The following NAALADL2 variants were observed in gnomAD, a reference collection of about 807,000 sequenced individuals.
NAALADL2 encodes the protein N-acetylated alpha-linked acidic dipeptidase like 2.
NAALADL2 carries 76 observed loss-of-function variants against 87.2 expected under a neutral mutation model. The ratio of observed to expected loss-of-function variants is 0.87; its 90% CI spans 0.72 to 1.05. NAALADL2 has a LOEUF of 1.05. NAALADL2 is among the 50% of genes least tolerant of loss of function. The pLI is 0.00. For synonymous variants in NAALADL2, 354 were observed against 331.0 expected, an observed-to-expected ratio of 1.07 and a Z score of -0.75; for missense variants, 1,089 against 945.8, an observed-to-expected ratio of 1.15 and a Z score of -1.99.
intron 11 of NAALADL2, among the ~76,000 whole-genome samples, chr3:175,703,896 T>A (rs998954733): frequency 2.6e-5 from 4 of 152,210 alleles, no homozygotes; most frequent in Non-Finnish European, 5.9e-5. Flanking sequence ...TCATATTGAC[T>A]ATTATGACAG....
chr3:175,668,256 C>A (rs1373090162), intron 11 of NAALADL2, among the ~76,000 whole-genome samples: 1 of 152,014 alleles, frequency 6.6e-6, no homozygotes, highest in Non-Finnish European at 1.5e-5. Context: ...CCATAATATC[C>A]CTTAATTTTA....
intron 5 of NAALADL2, among the ~76,000 whole-genome samples, chr3:175,346,706 G>A (rs1763192607): frequency 6.6e-6 from 1 of 152,108 alleles, no homozygotes; most frequent in Non-Finnish European, 1.5e-5. Flanking sequence ...CACACAATGT[G>A]AAACGACTTC....
intron 10 of NAALADL2, among the ~76,000 whole-genome samples, chr3:175,599,515 C>T (rs577999684): frequency 8.5e-5 from 13 of 152,246 alleles, no homozygotes; most frequent in African/African-American, 2.9e-4. Context: ...TTCTGCCCTA[C>T]CCTTCCTCAA....
chr3:174,802,343 A>T (rs1047282435), intron 3 of NAALADL2, among the ~76,000 whole-genome samples: 2 of 152,222 alleles, frequency 1.3e-5, no homozygotes, highest in Non-Finnish European at 2.9e-5. Flanking sequence ...TAAATAAAAA[A>T]TAAGATATAA....
At chr3:174,499,732 C>A (rs1588892) in intron 1 of NAALADL2, among the ~76,000 whole-genome samples, 107,259 of 151,754 alleles carry the variant, frequency 0.71, 38,087 homozygotes, top group East Asian at 0.9. Context: ...TCAGTTGTTC[C>A]TGTATATGTG....
At chr3:175,431,622 G>A (rs879450042) in intron 5 of NAALADL2, among the ~76,000 whole-genome samples, 1 of 151,926 alleles carries the variant, frequency 6.6e-6, no homozygotes, top group African/African-American at 2.4e-5. Context: ...CAGCCAATGG[G>A]ATTCACAGTA....
chr3:175,336,087 C>T (rs978972565), intron 5 of NAALADL2, among the ~76,000 whole-genome samples: 2 of 151,922 alleles, frequency 1.3e-5, no homozygotes, highest in Non-Finnish European at 2.9e-5. Context: ...TCGCTGCTTC[C>T]TTTTGGGTAC....
At chr3:174,564,571 A>G (rs901924974) in intron 2 of NAALADL2, among the ~76,000 whole-genome samples, 1 of 152,198 alleles carries the variant, frequency 6.6e-6, no homozygotes, top group African/African-American at 2.4e-5. Flanking sequence ...TTGTCTAAGT[A>G]ACCTAATAGT....
intron 1 of NAALADL2, among the ~76,000 whole-genome samples, chr3:174,862,024 C>T (rs1010754055): frequency 6.6e-6 from 1 of 151,792 alleles, no homozygotes; most frequent in Non-Finnish European, 1.5e-5. Flanking sequence ...ACAAGGTAAC[C>T]CCAGCGGAGA....
At chr3:174,613,870 G>C (rs963713039) in intron 2 of NAALADL2, among the ~76,000 whole-genome samples, 1 of 152,148 alleles carries the variant, frequency 6.6e-6, no homozygotes, top group African/African-American at 2.4e-5. Context: ...TGGTTATTCA[G>C]GGCTCAAGGG....
rs772447340 is a variant in NAALADL2 at position 174,794,981 on chromosome 3, CTTTTTTTTT to C, written c.-9+57254_-9+57262del. ...TTAAAAGTTGAAACTTCTAGTCCAGCTTTTTTTTTTTTTTTTTTTTTTTTTTTGAGACAG... is the reference window on the plus strand; with the variant it reads ...TTAAAAGTTGAAACTTCTAGTCCAGCTTTTTTTTTTTTTTTTTTGAGACAG... On this transcript the variant is annotated intron_variant, in intron 3 of 3. Transcript: ENST00000434257. Among the ~76,000 whole-genome samples the C allele has an allele frequency of 4.5e-3, 303 of 66,704 alleles. 3 individuals carry two copies. The highest frequency in any genetic ancestry group is 0.017 in the African/African-American group (281 of 16,900). The allele number at this position is 66,704 out of a possible 152,430, so 43.8% of individuals were successfully genotyped here.
chr3:175,337,242 A>AG (rs1329949952), intron 5 of NAALADL2, among the ~76,000 whole-genome samples: 1 of 150,910 alleles, frequency 6.6e-6, no homozygotes, highest in East Asian at 1.9e-4. Context: ...AGGTGGTATT[A>AG]GGTCTAGGTG....
intron 5 of NAALADL2, among the ~76,000 whole-genome samples, chr3:175,354,016 T>C (rs538058980): frequency 6.6e-6 from 1 of 152,234 alleles, no homozygotes; most frequent in African/African-American, 2.4e-5. Context: ...GCTATTTTTC[T>C]CTTATAAACT....
intron 5 of NAALADL2, among the ~76,000 whole-genome samples, chr3:175,343,519 G>A (rs1762778825): frequency 6.6e-6 from 1 of 151,962 alleles, no homozygotes; most frequent in African/African-American, 2.4e-5. Flanking sequence ...TGGAAATTAA[G>A]CAAGGACACT....
At chr3:174,513,646 G>A (rs1719748099) in intron 1 of NAALADL2, 1 of 152,170 alleles carries the variant, frequency 6.6e-6, no homozygotes, top group Non-Finnish European at 1.5e-5. Flanking sequence ...ATTCGGTTTA[G>A]AGATCTTTTT....
At chr3:175,344,245 CT>C (rs1486697941) in intron 5 of NAALADL2, among the ~76,000 whole-genome samples, 6 of 152,194 alleles carry the variant, frequency 3.9e-5, no homozygotes, top group African/African-American at 1.4e-4. Flanking sequence ...AACAGTACTT[CT>C]TTGGTTTCTA....
chr3:175,133,457 C>T lies in NAALADL2; in HGVS notation c.545+36166C>T, dbSNP rs533834427. Among the ~76,000 whole-genome samples, 43 of 152,348 alleles carry T rather than the reference C, an allele frequency of 2.8e-4. No individual in the cohort carries two copies. The East Asian group carries it at 5.6e-3, about 20-fold the overall frequency. On this transcript the variant is annotated intron_variant, in intron 2 of 13. Transcript: ENST00000454872. ...ATTGAGCACTGAGTGAACCAGACTC[C>T]GTCTGCAATCCCGGCACCTTGGGAT...
chr3:174,705,866 T>C lies in NAALADL2; in HGVS notation c.-114-31775T>C, dbSNP rs559457297. Among the ~76,000 whole-genome samples, 6 of 152,018 alleles carry C rather than the reference T, an allele frequency of 3.9e-5. No homozygotes were observed. In the East Asian group the frequency reaches 1.2e-3, roughly 29 times the overall value. ...GATGAGAGTTGGATATGTGATCCAG[T>C]TTTAAGTGATTTCCCAGGGTGATGC... On this transcript the variant is annotated intron_variant, in intron 2 of 3. Transcript: ENST00000434257.
At chr3:175,253,594 T>C (rs1020655113) in intron 3 of NAALADL2, among the ~76,000 whole-genome samples, 2 of 152,156 alleles carry the variant, frequency 1.3e-5, no homozygotes, top group African/African-American at 4.8e-5. Context: ...TTAAGAAATA[T>C]ATTTGTAAGA....
Sources: gnomAD v4.1 joint callset for allele counts (sites outside exome capture counted in the v4.1 genomes callset) on GRCh38, gnomAD v4.1.1 for gene constraint, MANE v1.5 for transcripts, NCBI Gene and HGNC (gene_info 2026-07-23, HGNC 2026-07-21) for gene names.